Variants in PDE9A observed in about 807,000 individuals in gnomAD.
The protein encoded by PDE9A is phosphodiesterase 9A.
A neutral mutation model predicts 87.4 loss-of-function variants in PDE9A; 60 were observed. The ratio of observed to expected loss-of-function variants is 0.69; its 90% CI spans 0.56 to 0.85. The LOEUF (loss-of-function observed/expected upper bound fraction) is 0.85, where lower values mean the gene tolerates loss of function less well. Ranked by LOEUF, PDE9A falls within the 40% of genes least tolerant of loss-of-function variation. The pLI is 0.00. For missense variants in PDE9A, 665 were observed against 779.0 expected (o/e 0.85, Z 1.74); for synonymous variants, 272 against 279.4 (o/e 0.97, Z 0.27).
At chr21:42,751,744 C>CT (rs33940532) in intron 9 of PDE9A, among the ~76,000 whole-genome samples, 33,897 of 122,302 alleles carry the variant, frequency 0.28, 5,387 homozygotes, top group East Asian at 0.49. Context: ...GGCCCACCTG[C>CT]TTTTTTTTTT....
Position 42,699,028 on chromosome 21 carries a change from GT to G in PDE9A, c.262+23del. 1.3e-6 allele frequency: 2 copies of G among 1,585,612 alleles called. No homozygotes were observed. The highest frequency in any genetic ancestry group is 1.7e-6 in the Non-Finnish European group (2 of 1,154,396). ...AACTCTCCGGTAAGGCCCTGCTGTCGTTTTTTAAACTAAAAGAAGGAAAAAG... is the reference window on the plus strand; with the variant it reads ...AACTCTCCGGTAAGGCCCTGCTGTCGTTTTTAAACTAAAAGAAGGAAAAAG... On this transcript the variant is annotated intron_variant, in intron 4 of 19. Transcript: ENST00000291539.
rs933606359 is a variant in PDE9A at position 42,680,752 on chromosome 21, C to T, written c.70-5440C>T. Among the ~76,000 whole-genome samples the T allele has an allele frequency of 9.8e-5, 15 of 152,292 alleles. 1 individual carries two copies. Among genetic ancestry groups the T allele is most frequent in the Admixed American group, 8.5e-4 (13 of 15,300 alleles). ...CAGGACTGTCTTGCTGTGAACCCAC[C>T]GCTTGCGGACCCCTCCCCAGGCCTC... is the stretch of plus-strand genomic sequence containing the variant. On this transcript the variant is annotated intron_variant, in intron 1 of 19. Transcript: ENST00000291539.
At chr21:42,674,621 T>A (rs1190359474) in intron 1 of PDE9A, among the ~76,000 whole-genome samples, 1 of 152,176 alleles carries the variant, frequency 6.6e-6, no homozygotes, top group African/African-American at 2.4e-5. Flanking sequence ...TTGTCCTCCA[T>A]GCCGGATTCT....
chr21:42,749,975 T>A (rs1203512504), intron 8 of PDE9A, among the ~76,000 whole-genome samples: 1 of 151,124 alleles, frequency 6.6e-6, no homozygotes, highest in Non-Finnish European at 1.5e-5. Flanking sequence ...CCGTCTCTAC[T>A]AAAAGTACAA....
At position 42,687,869 on chromosome 21, in the gene PDE9A, C is replaced by A. The variant is rs758971400; in HGVS notation, c.141-48C>A. The A allele has an allele frequency of 1.1e-4, 160 of 1,513,774 alleles. No individual in the cohort carries two copies. In the East Asian group the frequency reaches 1.8e-3, roughly 17 times the overall value. The allele number at this position is 1,513,774 out of a possible 1,614,324, so 93.8% of individuals were successfully genotyped here. A position where few individuals can be genotyped will look rare whatever the true frequency, so the allele number is the denominator to read the frequency against. ...CCCATGTGTACATTCAAGTGTACAT[C>A]CCAGAGCACACTATGGGCGAAAACA... On this transcript the variant is annotated intron_variant, in intron 2 of 19. Transcript: ENST00000291539.
chr21:42,716,515 G>A (rs7280645), intron 4 of PDE9A, among the ~76,000 whole-genome samples: 6 of 151,214 alleles, frequency 4.0e-5, no homozygotes, highest in Non-Finnish European at 8.9e-5. Context: ...ATGCCTGCTT[G>A]CCATCTGCAT....
chr21:42,738,695 TTTG>T (rs1274786975), intron 7 of PDE9A, among the ~76,000 whole-genome samples: 1 of 152,100 alleles, frequency 6.6e-6, no homozygotes, highest in East Asian at 1.9e-4. Flanking sequence ...TTGTTGCTGT[TTTG>T]TTTTGTTTTG....
rs773948486 is a variant in PDE9A, at chr21:42,751,145, T to G, written c.683T>G (p.Leu228Trp). The G allele has an allele frequency of 3.1e-6, 5 of 1,613,058 alleles. No individual in the cohort carries two copies. In the South Asian group the frequency reaches 3.3e-5, roughly 11 times the overall value. ...AACTGCCCCTGTAAGTACAGTTTTT[T>G]GGATAACCACAAGAAGTTGACTCCT... ...RTNCPCKYSF[L>W]DNHKKLTPRR... Residue 228 changes from leucine to tryptophan, a missense_variant, in exon 9 of 20, where the codon TTG becomes TGG. Coordinates refer to ENST00000291539, the MANE Select transcript of PDE9A (RefSeq NM_002606.3).
intron 1 of PDE9A, among the ~76,000 whole-genome samples, chr21:42,672,967 C>G (rs771574467): frequency 6.6e-6 from 1 of 152,206 alleles, no homozygotes; most frequent in East Asian, 1.9e-4. Flanking sequence ...CTTGGTGCTA[C>G]TTGCTTGCGA....
intron 10 of PDE9A, 73 bp from the exon 11 acceptor site, chr21:42,758,926 G>A (rs1252797531): frequency 3.4e-6 from 4 of 1,177,808 alleles, no homozygotes; most frequent in Non-Finnish European, 5.1e-6. Flanking sequence ...GAGGACAGCA[G>A]AGGGAAGGAA....
intron 1 of PDE9A, among the ~76,000 whole-genome samples, chr21:42,658,152 A>G (rs1455022618): frequency 2.0e-5 from 3 of 152,132 alleles, no homozygotes; most frequent in Non-Finnish European, 4.4e-5. Flanking sequence ...GGGTCTGCCC[A>G]GGCCTTCTCG....
At chr21:42,742,324 C>T (rs2053375036) in intron 7 of PDE9A, among the ~76,000 whole-genome samples, 1 of 152,082 alleles carries the variant, frequency 6.6e-6, no homozygotes, top group Non-Finnish European at 1.5e-5. Context: ...TTTTATTATT[C>T]CTCAAATCAG....
chr21:42,667,069 C>G (rs896299574), intron 1 of PDE9A, among the ~76,000 whole-genome samples: 2 of 151,530 alleles, frequency 1.3e-5, no homozygotes, highest in African/African-American at 4.8e-5. Flanking sequence ...CCCATTCACT[C>G]CCTGTACACA....
chr21:42,768,629 G>C lies in PDE9A; in HGVS notation c.1461+337G>C, dbSNP rs2056623558. The stretch of plus-strand genomic sequence containing the variant: ...GCAGGAGGGGGCCCAGGAGGGCCGA[G>C]ACCCAGCAGGTCAGCTCACACAGAT... On this transcript the variant is annotated intron_variant, in intron 16 of 19. Coordinates refer to ENST00000291539, the MANE Select transcript of PDE9A (RefSeq NM_002606.3). The C allele has an allele frequency of 8.1e-6, 8 of 985,454 alleles. No homozygotes were observed. In the South Asian group the frequency reaches 3.8e-4, roughly 46 times the overall value. 61.0% of individuals were successfully genotyped at this position (985,454 alleles called of 1,614,324 possible). A position where few individuals can be genotyped will look rare whatever the true frequency, so the allele number is the denominator to read the frequency against.
chr21:42,710,170 G>A (rs2049186156), intron 4 of PDE9A, among the ~76,000 whole-genome samples: 1 of 152,078 alleles, frequency 6.6e-6, no homozygotes, highest in Admixed American at 6.5e-5. Context: ...CACTTTGGGA[G>A]GCCGAGGCGG....
At chr21:42,689,234 G>A (rs764889653) in intron 3 of PDE9A, among the ~76,000 whole-genome samples, 17 of 152,180 alleles carry the variant, frequency 1.1e-4, no homozygotes, top group Non-Finnish European at 2.1e-4. Context: ...CTGGTCAGCC[G>A]TCCTCCCTGT....
intron 1 of PDE9A, among the ~76,000 whole-genome samples, chr21:42,672,732 G>A (rs898398246): frequency 3.9e-5 from 6 of 152,206 alleles, no homozygotes; most frequent in Non-Finnish European, 8.8e-5. Flanking sequence ...CATCCGACGC[G>A]GTTGATCTTA....
rs772450707 is a variant in PDE9A at position 42,670,393 on chromosome 21, CACAA to C, written c.70-15795_70-15792del. Among the ~76,000 whole-genome samples, 554 of 95,812 alleles carry C rather than the reference CACAA, an allele frequency of 5.8e-3. 4 individuals carry two copies. The highest frequency in any genetic ancestry group is 7.7e-3 in the Non-Finnish European group (420 of 54,264). 62.9% of individuals were successfully genotyped at this position (95,812 alleles called of 152,430 possible). ...ATTCACACACATTCACATTTACATT[CACAA>C]ACATTCACACATACATTCACACGCA... is the stretch of plus-strand genomic sequence containing the variant. On this transcript the variant is annotated intron_variant, in intron 1 of 19. Transcript: ENST00000291539.
At chr21:42,717,271 A>G (rs1193253862) in intron 4 of PDE9A, among the ~76,000 whole-genome samples, 1 of 142,710 alleles carries the variant, frequency 7.0e-6, no homozygotes, top group Non-Finnish European at 1.5e-5. Context: ...TAATTCTCTC[A>G]GCTTTTGCTG....
Sources: gnomAD v4.1 joint callset for allele counts (sites outside exome capture counted in the v4.1 genomes callset) on GRCh38, gnomAD v4.1.1 for gene constraint, MANE v1.5 for transcripts, NCBI Gene and HGNC (gene_info 2026-07-23, HGNC 2026-07-21) for gene names.